Variants in PAX5 observed in about 807,000 individuals in gnomAD.
PAX5 encodes the protein paired box protein Pax-5.
A neutral mutation model predicts 43.7 loss-of-function variants in PAX5; 9 were observed. The ratio of observed to expected loss-of-function variants is 0.21; its 90% CI spans 0.12 to 0.36. The LOEUF is 0.36. Ranked by LOEUF, PAX5 falls within the 10% of genes least tolerant of loss-of-function variation. The probability of loss-of-function intolerance (pLI) is 1.00; values close to 1 mark genes in which losing one functional copy is unlikely to be tolerated. For synonymous variants in PAX5, 228 were observed against 214.3 expected, an observed-to-expected ratio of 1.06 and a Z score of -0.56; for missense variants, 383 against 532.7, an observed-to-expected ratio of 0.72 and a Z score of 2.77.
chr9:36,836,341 G>T lies in PAX5; in HGVS notation c.*4219C>A. The T allele has an allele frequency of 8.6e-6, 2 of 233,330 alleles. No homozygotes were observed. 14.5% of individuals were successfully genotyped at this position (233,330 alleles called of 1,614,324 possible). A position where few individuals can be genotyped will look rare whatever the true frequency, so the allele number is the denominator to read the frequency against. On this transcript the variant is annotated 3_prime_UTR_variant, in exon 10 of 10. Transcript: ENST00000358127. ...GCGTGCCCGTTTCTACCCCTGCCTT[G>T]CTGGACACCCTGAAGCACATCTCTC...
intron 3 of PAX5, among the ~76,000 whole-genome samples, chr9:37,006,840 C>A (rs941393481): frequency 6.6e-6 from 1 of 152,186 alleles, no homozygotes; most frequent in East Asian, 1.9e-4. Flanking sequence ...GTTAACATTA[C>A]GAGTAAGCAT....
chr9:36,889,627 A>C (rs1827197553), intron 7 of PAX5, among the ~76,000 whole-genome samples: 1 of 152,150 alleles, frequency 6.6e-6, no homozygotes, highest in Non-Finnish European at 1.5e-5. Flanking sequence ...AGCATTGGGC[A>C]CCCATCCTTC....
intron 6 of PAX5, among the ~76,000 whole-genome samples, chr9:36,961,122 G>C (rs1239801949): frequency 6.6e-6 from 1 of 152,198 alleles, no homozygotes; most frequent in Non-Finnish European, 1.5e-5. Context: ...TCATGGTCGA[G>C]GTTCAGGCCA....
In PAX5 at chr9:36,833,490, G is replaced by A. The variant is rs1821422974; in HGVS notation, c.*7070C>T. Reference sequence around the variant, plus strand: ...TTGCAGTCAACCATTTAACTTAAAAGGAAGCCACAAATTTCAGGTTTGACA... The same window carrying A: ...TTGCAGTCAACCATTTAACTTAAAAAGAAGCCACAAATTTCAGGTTTGACA... On this transcript the variant is annotated 3_prime_UTR_variant, in exon 10 of 10. Coordinates refer to ENST00000358127, the MANE Select transcript of PAX5 (RefSeq NM_016734.3). 8.6e-6 allele frequency: 2 copies of A among 232,722 alleles called. No homozygotes were observed. The highest frequency in any genetic ancestry group is 1.7e-5 in the Non-Finnish European group (2 of 117,964). The allele number at this position is 232,722 out of a possible 1,614,324, so 14.4% of individuals were successfully genotyped here. A position where few individuals can be genotyped will look rare whatever the true frequency, so the allele number is the denominator to read the frequency against.
chr9:36,847,067 AG>A, intron 8 of PAX5, 138 bp from the exon 9 acceptor site: 1 of 621,314 alleles, frequency 1.6e-6, no homozygotes. Context: ...AACCAACAAA[AG>A]CAAGTCAGGT....
At chr9:36,955,215 T>C (rs1395309036) in intron 6 of PAX5, among the ~76,000 whole-genome samples, 1 of 152,198 alleles carries the variant, frequency 6.6e-6, no homozygotes, top group Non-Finnish European at 1.5e-5. Flanking sequence ...TTGCCCGTTA[T>C]GTCTCCTAAC....
intron 5 of PAX5, among the ~76,000 whole-genome samples, chr9:36,995,297 C>G (rs1434758465): frequency 6.6e-6 from 1 of 152,230 alleles, no homozygotes; most frequent in Non-Finnish European, 1.5e-5. Context: ...AAAGCCAGGC[C>G]AGGTCCAGGC....
chr9:36,913,011 C>T (rs1223212025), intron 7 of PAX5, among the ~76,000 whole-genome samples: 2 of 152,218 alleles, frequency 1.3e-5, no homozygotes, highest in African/African-American at 2.4e-5. Flanking sequence ...ACTCCTGTTC[C>T]AGTGCTCTTT....
At chr9:36,990,557 G>A (rs369288579) in intron 5 of PAX5, among the ~76,000 whole-genome samples, 4 of 152,212 alleles carry the variant, frequency 2.6e-5, no homozygotes, top group Admixed American at 2.6e-4. Context: ...ACTATTATTT[G>A]GACAAGTCAA....
intron 5 of PAX5, among the ~76,000 whole-genome samples, chr9:37,000,025 C>G (rs1837712028): frequency 6.6e-6 from 1 of 152,156 alleles, no homozygotes; most frequent in Admixed American, 6.5e-5. Flanking sequence ...CACTCCAGCT[C>G]CTCCTGACTC....
chr9:36,987,660 G>A (rs1174320516), intron 5 of PAX5, among the ~76,000 whole-genome samples: 3 of 152,210 alleles, frequency 2.0e-5, no homozygotes, highest in African/African-American at 4.8e-5. Context: ...ATTCTTTGGG[G>A]AGCTAGGAAG....
At chr9:36,917,127 G>T (rs1412952351) in intron 7 of PAX5, among the ~76,000 whole-genome samples, 1 of 152,066 alleles carries the variant, frequency 6.6e-6, no homozygotes, top group Non-Finnish European at 1.5e-5. Flanking sequence ...GCTCTATAAT[G>T]AGACTTTAAA....
At chr9:36,990,170 T>C (rs1836803271) in intron 5 of PAX5, among the ~76,000 whole-genome samples, 1 of 152,144 alleles carries the variant, frequency 6.6e-6, no homozygotes, top group Non-Finnish European at 1.5e-5. Flanking sequence ...TGAGCACTTA[T>C]TATATATGGG....
intron 6 of PAX5, among the ~76,000 whole-genome samples, chr9:36,962,567 C>T (rs372681977): frequency 6.6e-6 from 1 of 150,898 alleles, no homozygotes; most frequent in Non-Finnish European, 1.5e-5. Flanking sequence ...GGATCGCTGT[C>T]GTCACGTTCG....
rs994164864 is a variant in PAX5 at position 37,031,968 on chromosome 9, G to C, written c.46+2018C>G. Among the ~76,000 whole-genome samples, 3 of 152,210 alleles carry C rather than the reference G, an allele frequency of 2.0e-5. No homozygotes were observed. The East Asian group carries it at 5.8e-4, about 29-fold the overall frequency. On this transcript the variant is annotated intron_variant, in intron 1 of 9. Transcript: ENST00000358127. ...GACCTGGACAACCCTTTGAGCACCA[G>C]CTTGGACAGCTTCTCAGCTTCCCTC...
intron 6 of PAX5, among the ~76,000 whole-genome samples, chr9:36,966,127 C>T (rs1165313740): frequency 6.6e-6 from 1 of 152,258 alleles, no homozygotes; most frequent in Non-Finnish European, 1.5e-5. Context: ...CCCACCCGCT[C>T]CGTCATTCCA....
At chr9:36,978,725 G>T (rs1463165024) in intron 5 of PAX5, among the ~76,000 whole-genome samples, 1 of 152,140 alleles carries the variant, frequency 6.6e-6, no homozygotes, top group Non-Finnish European at 1.5e-5. Context: ...TTTTGTCATA[G>T]ATCAAAGTGA....
intron 5 of PAX5, among the ~76,000 whole-genome samples, chr9:36,994,091 C>T (rs1190172636): frequency 1.3e-5 from 2 of 152,188 alleles, no homozygotes; most frequent in Non-Finnish European, 2.9e-5. Flanking sequence ...TGAGCCCCCA[C>T]CCGTGGGACA....
At chr9:36,939,421 G>A (rs533472499) in intron 6 of PAX5, among the ~76,000 whole-genome samples, 2 of 152,220 alleles carry the variant, frequency 1.3e-5, no homozygotes, top group South Asian at 4.1e-4. Context: ...CTGAGACCAC[G>A]TGTCTTGCCA....
Sources: gnomAD v4.1 joint callset for allele counts (sites outside exome capture counted in the v4.1 genomes callset) on GRCh38, gnomAD v4.1.1 for gene constraint, MANE v1.5 for transcripts, NCBI Gene and HGNC (gene_info 2026-07-23, HGNC 2026-07-21) for gene names.